The following XXYLT1 variants were observed in gnomAD, a reference collection of about 807,000 sequenced individuals.
The protein encoded by XXYLT1 is UDP-xylose:alpha-xyloside alpha-1,3-xylosyltransferase.
Under a neutral mutation model 28.9 loss-of-function variants are expected in XXYLT1, and 20 were observed. The ratio of observed to expected loss-of-function variants is 0.69; its 90% confidence interval spans 0.49 to 1.00. The LOEUF (loss-of-function observed/expected upper bound fraction) is 1.00. XXYLT1 is among the 50% of genes least tolerant of loss of function. The probability of loss-of-function intolerance (pLI) is 0.00; values close to 1 mark genes in which losing one functional copy is unlikely to be tolerated. For missense variants in XXYLT1, 542 were observed against 560.1 expected (o/e 0.97, Z 0.33); for synonymous variants, 257 against 253.8 (o/e 1.01, Z -0.12).
intron 3 of XXYLT1, among the ~76,000 whole-genome samples, chr3:195,144,555 T>C (rs1368470898): frequency 6.6e-6 from 1 of 152,016 alleles, no homozygotes; most frequent in Non-Finnish European, 1.5e-5. Context: ...TTTTTGTATC[T>C]TTAGTAGGGA....
chr3:195,234,711 C>G (rs556303599), intron 1 of XXYLT1, among the ~76,000 whole-genome samples: 7 of 152,286 alleles, frequency 4.6e-5, no homozygotes, highest in African/African-American at 1.7e-4. Flanking sequence ...GTAAGGTTCT[C>G]ACCAAAAAGT....
intron 3 of XXYLT1, among the ~76,000 whole-genome samples, chr3:195,132,857 T>C (rs1032335423): frequency 1.3e-5 from 2 of 152,234 alleles, no homozygotes; most frequent in Admixed American, 1.3e-4. Context: ...AGATGCACAA[T>C]ATGATTCTCA....
intron 1 of XXYLT1, among the ~76,000 whole-genome samples, chr3:195,266,452 C>T (rs1350635956): frequency 6.6e-6 from 1 of 151,828 alleles, no homozygotes; most frequent in Admixed American, 6.6e-5. Flanking sequence ...CGAGACCGCA[C>T]CACAGCACCC....
At chr3:195,182,825 G>A (rs192307225) in intron 2 of XXYLT1, among the ~76,000 whole-genome samples, 13 of 152,214 alleles carry the variant, frequency 8.5e-5, no homozygotes, top group African/African-American at 3.1e-4. Flanking sequence ...GGATTAAAAC[G>A]TTTAGCATGG....
Position 195,209,042 on chromosome 3 carries a change from T to TC in XXYLT1, c.652+17666dup, listed in dbSNP as rs1421762991. Among the ~76,000 whole-genome samples, 1 of 152,056 alleles carries TC rather than the reference T, an allele frequency of 6.6e-6. No individual in the cohort carries two copies. The highest frequency in any genetic ancestry group is 1.5e-5 in the Non-Finnish European group (1 of 68,012). ...TAAAAGAAAAAATACTGTACCTGAC[T>TC]CCCCCAACCCAAGACAGAAGGGAAG... is the stretch of plus-strand genomic sequence containing the variant. On this transcript the variant is annotated intron_variant, in intron 2 of 3. Coordinates refer to ENST00000310380, the MANE Select transcript of XXYLT1 (RefSeq NM_152531.5). This position sits in a 1 kb window ranked among gnomAD's most constrained non-coding sequence, Gnocchi z 5.0.
chr3:195,219,173 T>G (rs111377606), intron 2 of XXYLT1, among the ~76,000 whole-genome samples: 4,022 of 88,514 alleles, frequency 0.045, 105 homozygotes, highest in East Asian at 0.13. Flanking sequence ...TGTGGGGTGG[T>G]GGGAGGGGGG....
chr3:195,072,799 A>G (rs2108636818), intron 3 of XXYLT1, among the ~76,000 whole-genome samples: 1 of 152,276 alleles, frequency 6.6e-6, no homozygotes, highest in Admixed American at 6.5e-5. Flanking sequence ...ACCCAGAAAG[A>G]CAGAGCAGTC....
At chr3:195,072,863 G>A (rs1157921991) in intron 3 of XXYLT1, among the ~76,000 whole-genome samples, 2 of 152,220 alleles carry the variant, frequency 1.3e-5, no homozygotes, top group Non-Finnish European at 2.9e-5. Context: ...TTCTCGTAGA[G>A]GAATCGCATC....
chr3:195,149,737 T>C (rs1408061996), intron 3 of XXYLT1, among the ~76,000 whole-genome samples: 1 of 152,246 alleles, frequency 6.6e-6, no homozygotes, highest in Non-Finnish European at 1.5e-5. Context: ...TATTTTCTCT[T>C]TGTAATACTG....
Position 195,143,815 on chromosome 3 carries a change from GATATAGATAT to G in XXYLT1, c.785+12624_785+12633del, listed in dbSNP as rs1474819156. The stretch of plus-strand genomic sequence containing the variant: ...ATATATATATAGATAGATATATATA[GATATAGATAT>G]ATATAGATATAGATATAGATATATA... On this transcript the variant is annotated intron_variant, in intron 3 of 3. Coordinates refer to ENST00000310380, the MANE Select transcript of XXYLT1 (RefSeq NM_152531.5). Among the ~76,000 whole-genome samples the G allele has an allele frequency of 2.0e-3, 158 of 77,350 alleles. 13 individuals carry two copies. In the East Asian group the frequency reaches 0.041, roughly 20 times the overall value. 50.7% of individuals were successfully genotyped at this position (77,350 alleles called of 152,430 possible). A position where few individuals can be genotyped will look rare whatever the true frequency, so the allele number is the denominator to read the frequency against.
intron 3 of XXYLT1, among the ~76,000 whole-genome samples, chr3:195,117,832 C>T: frequency 6.6e-6 from 1 of 152,240 alleles, no homozygotes; most frequent in Non-Finnish European, 1.5e-5. Context: ...CATCTCAGTG[C>T]CACTCAGCAC....
At chr3:195,112,412 G>A (rs372912039) in intron 3 of XXYLT1, among the ~76,000 whole-genome samples, 22 of 146,300 alleles carry the variant, frequency 1.5e-4, no homozygotes, top group East Asian at 5.8e-4. Context: ...GCGCACGTGC[G>A]CGCACACACA....
intron 2 of XXYLT1, among the ~76,000 whole-genome samples, chr3:195,218,021 C>T (rs1221245175): frequency 6.7e-6 from 1 of 150,024 alleles, no homozygotes; most frequent in African/African-American, 2.5e-5. Flanking sequence ...ATGTCTACAA[C>T]TATCTGATCT....
chr3:195,110,737 G>A (rs1319131972), intron 3 of XXYLT1, among the ~76,000 whole-genome samples: 4 of 118,908 alleles, frequency 3.4e-5, no homozygotes, highest in Non-Finnish European at 5.4e-5. Flanking sequence ...TGTGCTGTAT[G>A]TGTGCATGTG....
At chr3:195,184,662 C>A (rs1469895122) in intron 2 of XXYLT1, 20 of 985,366 alleles carry the variant, frequency 2.0e-5, no homozygotes, top group Non-Finnish European at 2.4e-5. Context: ...CAGGACTCAC[C>A]GGAGAACCAA....
chr3:195,127,117 G>A (rs1423209582), intron 3 of XXYLT1, among the ~76,000 whole-genome samples: 3 of 152,162 alleles, frequency 2.0e-5, no homozygotes, highest in African/African-American at 4.8e-5. Context: ...GGGCATCTGC[G>A]TTCTAGAAGA....
intron 3 of XXYLT1, among the ~76,000 whole-genome samples, chr3:195,118,008 ACGCTTCTGCTCTC>A (rs1358276459): frequency 6.6e-6 from 1 of 152,194 alleles, no homozygotes; most frequent in East Asian, 1.9e-4. Context: ...TCACCCCTTA[ACGCTTCTGCTCTC>A]TGCTCCACGT....
In XXYLT1 at chr3:195,265,501, C is replaced by G. The variant is rs1418757745; in HGVS notation, c.504+5054G>C. ...TTGAGCTGATAGCACAAGGCAAATA[C>G]CACAAAGAAGCAATATTGCTGTGCT... On this transcript the variant is annotated intron_variant, in intron 1 of 3. Transcript: ENST00000310380. 3.9e-5 allele frequency among the ~76,000 whole-genome samples: 6 copies of G among 152,186 alleles called. No homozygotes were observed. The East Asian group carries it at 9.6e-4, about 24-fold the overall frequency.
At chr3:195,147,187 T>C (rs571586956) in intron 3 of XXYLT1, among the ~76,000 whole-genome samples, 13 of 152,312 alleles carry the variant, frequency 8.5e-5, no homozygotes, top group African/African-American at 3.1e-4. Flanking sequence ...TCACGTTATA[T>C]CTTCCTTGAA....
Sources: gnomAD v4.1 joint callset for allele counts (sites outside exome capture counted in the v4.1 genomes callset) on GRCh38, gnomAD v4.1.1 for gene constraint, Gnocchi (gnomAD v3.1) non-coding constraint, MANE v1.5 for transcripts, NCBI Gene and HGNC (gene_info 2026-07-23, HGNC 2026-07-21) for gene names.